Variants in BAZ2A observed in about 807,000 individuals in gnomAD.
The protein encoded by BAZ2A is bromodomain adjacent to zinc finger domain 2A.
Under a neutral mutation model 199.9 loss-of-function variants are expected in BAZ2A, and 34 were observed. That is an observed-to-expected ratio of 0.17 (90% CI 0.13 to 0.23). The LOEUF (loss-of-function observed/expected upper bound fraction) is 0.23, where lower values mean the gene tolerates loss of function less well. BAZ2A is among the 10% of genes least tolerant of loss of function. The pLI, the probability that BAZ2A is intolerant of heterozygous loss-of-function variation, is 1.00. For missense variants in BAZ2A, 2,002 were observed against 2,391.1 expected (o/e 0.84, Z 3.39); for synonymous variants, 857 against 883.9 (o/e 0.97, Z 0.54).
chr12:56,627,376 G>A (rs1201908989), intron 1 of BAZ2A, among the ~76,000 whole-genome samples: 7 of 151,382 alleles, frequency 4.6e-5, no homozygotes, highest in Non-Finnish European at 1.0e-4. Context: ...TGAGGCAGGA[G>A]GATCGCTTGA....
rs2230579 is a variant in BAZ2A at position 56,611,895 on chromosome 12, A to T, written c.1487T>A (p.Val496Glu). The change falls in exon 6 of 29, where the codon GTA (valine) becomes GAA (glutamate). Residue 496 changes from valine (V) to glutamate (E), a missense_variant. By Grantham distance (121) the Val-to-Glu change is moderately radical. This residue lies in a region of BAZ2A where 641 missense variants were observed against 694.5 expected (regional missense o/e 0.92). Coordinates refer to ENST00000549884, the MANE Select transcript of BAZ2A (RefSeq NM_001300905.2). ...ASVTSPKASP[V>E]TSPAAAFPTA... ...TGGAAAGGCAGCTGCTGGGGAAGTTACGGGAGAGGCTTTTGGGGATGTCAC... is the reference window on the plus strand; with the variant it reads ...TGGAAAGGCAGCTGCTGGGGAAGTTTCGGGAGAGGCTTTTGGGGATGTCAC... 0.012 allele frequency: 19,479 copies of T among 1,608,056 alleles called. 175 individuals are homozygous for T. Among genetic ancestry groups the T allele is most frequent in the Non-Finnish European group, 0.014 (16,279 of 1,176,390 alleles).
intron 1 of BAZ2A, among the ~76,000 whole-genome samples, chr12:56,622,976 C>T (rs1301343968): frequency 2.6e-5 from 4 of 152,080 alleles, no homozygotes; most frequent in African/African-American, 9.7e-5. Flanking sequence ...AGCAGTGGCT[C>T]GTGTAATCCC....
rs1950560532 is a variant in BAZ2A at position 56,611,616 on chromosome 12, G to A, written c.1627C>T (p.Arg543Cys). 1.9e-6 allele frequency: 3 copies of A among 1,610,350 alleles called. No individual in the cohort carries two copies. The highest frequency in any genetic ancestry group is 8.5e-7 in the Non-Finnish European group (1 of 1,178,616). Reference sequence around the variant, plus strand: ...CGAACTTCTTCTGGGGTAGCAATACGTCTCCTCATGACATCACCTTGGGAG... The same window carrying A: ...CGAACTTCTTCTGGGGTAGCAATACATCTCCTCATGACATCACCTTGGGAG... ...ASGSGDVMRR[R>C]IATPEEVRLP... The change falls in exon 7 of 29, where the codon CGT (arginine) becomes TGT (cysteine). Residue 543 changes from arginine to cysteine, a missense_variant. Physicochemically the swap from Arg to Cys is radical, Grantham distance 180 (BLOSUM62 -3). This residue lies in a region of BAZ2A where 641 missense variants were observed against 694.5 expected (regional missense o/e 0.92). Coordinates refer to ENST00000549884, the MANE Select transcript of BAZ2A (RefSeq NM_001300905.2).
At chr12:56,635,104 G>T (rs748968503), upstream of BAZ2A, 7 of 913,090 alleles carry the variant, frequency 7.7e-6, no homozygotes, top group Non-Finnish European at 9.2e-6. The surrounding 1 kb of genome is among the most constrained non-coding windows in gnomAD (Gnocchi z 4.1). Context: ...GAGGACAACC[G>T]CTCAGGAGAG....
At chr12:56,619,963 G>A (rs1157776796) in intron 1 of BAZ2A, among the ~76,000 whole-genome samples, 1 of 152,152 alleles carries the variant, frequency 6.6e-6, no homozygotes, top group Non-Finnish European at 1.5e-5. Flanking sequence ...ATGCACCATA[G>A]CAAGACCCCA....
chr12:56,628,859 C>T (rs891250523), intron 1 of BAZ2A, among the ~76,000 whole-genome samples: 1 of 152,194 alleles, frequency 6.6e-6, no homozygotes, highest in African/African-American at 2.4e-5. Context: ...GAATTTGCAT[C>T]ACTTACATAG....
Position 56,618,747 on chromosome 12 carries a change from G to A in BAZ2A, c.-2-1215C>T, listed in dbSNP as rs989440440. Among the ~76,000 whole-genome samples, 3 of 151,934 alleles carry A rather than the reference G, an allele frequency of 2.0e-5. No homozygotes were observed. In the South Asian group the frequency reaches 6.2e-4, roughly 31 times the overall value. On this transcript the variant is annotated intron_variant, in intron 1 of 28. Transcript: ENST00000549884. ...TAGCTGGGTGTGGTGGCAGGCACCT[G>A]TAATCCCAGCTACTCAGGAGGCTAA...
Position 56,605,867 on chromosome 12 carries a change from T to G in BAZ2A, c.2456A>C (p.Lys819Thr). 6.2e-7 allele frequency: 1 copy of G among 1,606,040 alleles called. No individual in the cohort carries two copies. ...QRQQMILEEM[K>T]KPTEDMCLTD... ...CAGACACATATCCTCTGTCGGCTTCTTCATTTCCTCCAAGATCATCTGCTG... is the reference window on the plus strand; with the variant it reads ...CAGACACATATCCTCTGTCGGCTTCGTCATTTCCTCCAAGATCATCTGCTG... The change falls in exon 13 of 29, where the codon AAG (lysine) becomes ACG (threonine). Residue 819 changes from lysine to threonine, a missense_variant. Physicochemically the swap from Lys to Thr is moderately conservative, Grantham distance 78 (BLOSUM62 -1). This residue lies in a region of BAZ2A where 1,081 missense variants were observed against 1,274.7 expected (regional missense o/e 0.85). Coordinates refer to ENST00000549884, the MANE Select transcript of BAZ2A (RefSeq NM_001300905.2).
Position 56,611,776 on chromosome 12 carries a change from T to G in BAZ2A, c.1606A>C (p.Ser536Arg), listed in dbSNP as rs756426483. Reference sequence around the variant, plus strand: ...AGAATAGAATCTGGATACTCACCACTACCAGAAGCAGTGAGTCCTTCTCCA... The same window carrying G: ...AGAATAGAATCTGGATACTCACCACGACCAGAAGCAGTGAGTCCTTCTCCA... ...ITGEGLTASGSGDVMRRRIAT... is the reference protein window; with the variant it reads ...ITGEGLTASGRGDVMRRRIAT... Residue 536 changes from serine (S) to arginine (R), a missense_variant, in exon 6 of 29, where the codon AGT (serine) becomes CGT (arginine). Around this residue, in one of 6 missense-constraint regions of BAZ2A, gnomAD observed 641 missense variants for 694.5 expected, o/e 0.92. Coordinates refer to ENST00000549884, the MANE Select transcript of BAZ2A (RefSeq NM_001300905.2). 1 of 1,530,930 alleles carries G rather than the reference T, an allele frequency of 6.5e-7. No homozygotes were observed. The highest frequency in any genetic ancestry group is 2.2e-5 in the Admixed American group (1 of 46,204). The allele number at this position is 1,530,930 out of a possible 1,614,324, so 94.8% of individuals were successfully genotyped here.
chr12:56,627,758 C>T (rs747390980), intron 1 of BAZ2A, among the ~76,000 whole-genome samples: 1 of 141,284 alleles, frequency 7.1e-6, no homozygotes, highest in Non-Finnish European at 1.5e-5. Flanking sequence ...CCAAAGAGGT[C>T]GGGGCTGCAG....
Position 56,602,066 on chromosome 12 carries a change from G to A in BAZ2A, c.3551C>T (p.Ala1184Val). 2.6e-6 allele frequency: 4 copies of A among 1,565,466 alleles called. No individual in the cohort carries two copies. Among genetic ancestry groups the A allele is most frequent in the Non-Finnish European group, 3.5e-6 (4 of 1,154,578 alleles). ...AGSNTTASSP[A>V]RARGRPRKTK... ...TTTTCGAGGTCGGCCTCGGGCCCGG[G>A]CAGGAGAACTGGCAGTGGTGTTGGA... Residue 1184 changes from alanine to valine, a missense_variant, in exon 20 of 29, where the codon GCC becomes GTC. Physicochemically the swap from Ala to Val is moderately conservative, Grantham distance 64. Transcript: ENST00000549884.
In BAZ2A at chr12:56,613,092, G is replaced by T. The variant is rs773496346; in HGVS notation, c.1058C>A (p.Ala353Glu). The change falls in exon 5 of 29, where the codon GCA (alanine) becomes GAA (glutamate). Residue 353 changes from alanine to glutamate, a missense_variant. Physicochemically the swap from Ala to Glu is moderately radical, Grantham distance 107. This residue lies in a region of BAZ2A where 641 missense variants were observed against 694.5 expected (regional missense o/e 0.92). Transcript: ENST00000549884. ...LNNATAFSLL[A>E]DDSQTSTSIF... Reference sequence around the variant, plus strand: ...AGAGGTTGATGTTTGACTATCATCTGCCAGGAGACTGAAGGCAGTAGCATT... The same window carrying T: ...AGAGGTTGATGTTTGACTATCATCTTCCAGGAGACTGAAGGCAGTAGCATT... 46 of 1,613,862 alleles carry T rather than the reference G, an allele frequency of 2.9e-5. No individual in the cohort carries two copies. The highest frequency in any genetic ancestry group is 3.7e-5 in the Non-Finnish European group (44 of 1,179,912).
chr12:56,615,712 G>C (rs1950695172), intron 2 of BAZ2A, 105 bp from the exon 3 acceptor site: 1 of 937,030 alleles, frequency 1.1e-6, no homozygotes, highest in African/African-American at 1.7e-5. Context: ...CATGGTAAAG[G>C]GAAGGGGGAT....
rs1393423426 is a variant in BAZ2A at position 56,595,989 on chromosome 12, C to T, written c.*2629G>A. On this transcript the variant is annotated 3_prime_UTR_variant, in exon 29 of 29. Transcript: ENST00000549884. Reference sequence around the variant, plus strand: ...TGACAAGCACTTTTCTACAGCTGCACTTGTGGAACATCACATGGCAAAAAC... The same window carrying T: ...TGACAAGCACTTTTCTACAGCTGCATTTGTGGAACATCACATGGCAAAAAC... 9 of 152,690 alleles carry T rather than the reference C, an allele frequency of 5.9e-5. No homozygotes were observed. Among genetic ancestry groups the T allele is most frequent in the Non-Finnish European group, 1.3e-4 (9 of 68,054 alleles). The allele number at this position is 152,690 out of a possible 1,614,324, so 9.5% of individuals were successfully genotyped here.
rs746535010 is a variant in BAZ2A at position 56,611,761 on chromosome 12, C to T, written c.1609+12G>A. 116 of 1,521,918 alleles carry T rather than the reference C, an allele frequency of 7.6e-5. No individual in the cohort carries two copies. Among genetic ancestry groups the T allele is most frequent in the Non-Finnish European group, 1.0e-4 (114 of 1,137,166 alleles). The allele number at this position is 1,521,918 out of a possible 1,614,324, so 94.3% of individuals were successfully genotyped here. On this transcript the variant is annotated intron_variant, in intron 6 of 28. Coordinates refer to ENST00000549884, the MANE Select transcript of BAZ2A (RefSeq NM_001300905.2). ...GAACCAGACAGGGATAGAATAGAAT[C>T]TGGATACTCACCACTACCAGAAGCA...
At chr12:56,629,434 C>T (rs1951218851) in intron 1 of BAZ2A, among the ~76,000 whole-genome samples, 1 of 152,164 alleles carries the variant, frequency 6.6e-6, no homozygotes, top group Non-Finnish European at 1.5e-5. Context: ...AAAAGGAATT[C>T]CTCTTTATTC....
At chr12:56,629,779 G>A (rs1419887616) in intron 1 of BAZ2A, among the ~76,000 whole-genome samples, 2 of 146,324 alleles carry the variant, frequency 1.4e-5, no homozygotes, top group Non-Finnish European at 3.0e-5. Flanking sequence ...CACCCGAGGA[G>A]GTGGAGCCCC....
chr12:56,603,064 G>A (rs1023137042), intron 18 of BAZ2A, among the ~76,000 whole-genome samples: 1 of 152,106 alleles, frequency 6.6e-6, no homozygotes, highest in African/African-American at 2.4e-5. Flanking sequence ...CAGGTGGATT[G>A]CTAGAGCCCA....
chr12:56,603,303 G>T, intron 18 of BAZ2A, 56 bp downstream of exon 18: 2 of 1,546,932 alleles, frequency 1.3e-6, no homozygotes, highest in Admixed American at 1.8e-5. Context: ...AAAAGAAGCT[G>T]ATCAATTCTT....
Sources: gnomAD v4.1 joint callset for allele counts (sites outside exome capture counted in the v4.1 genomes callset) on GRCh38, gnomAD v4.1.1 for gene constraint, gnomAD v4.1.1 regional missense constraint, Gnocchi (gnomAD v3.1) non-coding constraint, MANE v1.5 for transcripts, NCBI Gene and HGNC (gene_info 2026-07-23, HGNC 2026-07-21) for gene names.